Variants in SH3RF1 observed in about 807,000 individuals in gnomAD.
SH3RF1 encodes the protein SH3 domain containing ring finger 1.
A neutral mutation model predicts 74.0 loss-of-function variants in SH3RF1; 32 were observed. The ratio of observed to expected loss-of-function variants is 0.43; its 90% confidence interval spans 0.33 to 0.58. The LOEUF (loss-of-function observed/expected upper bound fraction) is 0.58. Among genes scored for constraint, SH3RF1 ranks in the 20% least tolerant of loss-of-function variants. SH3RF1 has a pLI of 0.05. For synonymous variants in SH3RF1, 396 were observed against 439.6 expected (o/e 0.90, Z 1.24); for missense variants, 954 against 1,130.9 (o/e 0.84, Z 2.24).
intron 4 of SH3RF1, among the ~76,000 whole-genome samples, chr4:169,150,741 C>T (rs1258039672): frequency 6.6e-6 from 1 of 152,092 alleles, no homozygotes; most frequent in Non-Finnish European, 1.5e-5. Context: ...ACTTGAGCAT[C>T]CGCAGATTTG....
chr4:169,115,705 C>A (rs1018695400), intron 10 of SH3RF1, among the ~76,000 whole-genome samples: 4 of 152,204 alleles, frequency 2.6e-5, no homozygotes, highest in African/African-American at 9.6e-5. Flanking sequence ...CCCGCCACCA[C>A]CCCTGGGTCC....
intron 2 of SH3RF1, among the ~76,000 whole-genome samples, chr4:169,185,020 G>A (rs1734580582): frequency 6.6e-6 from 1 of 152,164 alleles, no homozygotes; most frequent in African/African-American, 2.4e-5. Context: ...GTGTGATCAG[G>A]GGTTATCTGC....
chr4:169,145,459 G>A lies in SH3RF1; in HGVS notation c.766-8839C>T, dbSNP rs1176758022. Among the ~76,000 whole-genome samples the A allele has an allele frequency of 3.6e-5, 5 of 140,218 alleles. No homozygotes were observed. In the South Asian group the frequency reaches 7.0e-4, roughly 20 times the overall value. 92.0% of individuals were successfully genotyped at this position (140,218 alleles called of 152,430 possible). Reference sequence around the variant, plus strand: ...GGTTGAAAATTTACCTATTGGGTACGATGTTCACCATGTGAGTGATAGGTA... The same window carrying A: ...GGTTGAAAATTTACCTATTGGGTACAATGTTCACCATGTGAGTGATAGGTA... On this transcript the variant is annotated intron_variant, in intron 4 of 11. Transcript: ENST00000284637.
At position 169,095,148 on chromosome 4, in the gene SH3RF1, T is replaced by G. The variant is rs1388982335; in HGVS notation, c.*1371A>C. 1.3e-5 allele frequency: 2 copies of G among 152,602 alleles called. No homozygotes were observed. Among genetic ancestry groups the G allele is most frequent in the Non-Finnish European group, 2.9e-5 (2 of 68,034 alleles). 9.5% of individuals were successfully genotyped at this position (152,602 alleles called of 1,614,324 possible). ...AATTGTAAGGTGTGGGCAAATTCAC[T>G]CCCACCAAGCCTTCCAGAGCTCCAC... On this transcript the variant is annotated 3_prime_UTR_variant, in exon 12 of 12. Transcript: ENST00000284637.
At chr4:169,165,498 C>A (rs1419523738) in intron 2 of SH3RF1, among the ~76,000 whole-genome samples, 1 of 152,034 alleles carries the variant, frequency 6.6e-6, no homozygotes. Context: ...TCTGGGTGAT[C>A]TGGTGAAACC....
chr4:169,234,197 T>A (rs573271426), intron 2 of SH3RF1, among the ~76,000 whole-genome samples: 88 of 152,138 alleles, frequency 5.8e-4, no homozygotes, highest in African/African-American at 1.9e-3. Context: ...AATTTTTTTT[T>A]AAATTGTCCC....
At chr4:169,157,915 A>G (rs984801031) in intron 2 of SH3RF1, among the ~76,000 whole-genome samples, 3 of 106,944 alleles carry the variant, frequency 2.8e-5, no homozygotes, top group Admixed American at 2.6e-4. Context: ...TCATTTTTGT[A>G]TTTTTACAAA....
intron 2 of SH3RF1, among the ~76,000 whole-genome samples, chr4:169,192,071 T>C (rs540041402): frequency 6.6e-6 from 1 of 152,268 alleles, no homozygotes; most frequent in East Asian, 1.9e-4. Flanking sequence ...AAAGAGCTTT[T>C]GCACAGCAAA....
chr4:169,135,991 G>A (rs1733692943), intron 5 of SH3RF1, among the ~76,000 whole-genome samples: 1 of 152,176 alleles, frequency 6.6e-6, no homozygotes, highest in Admixed American at 6.5e-5. Context: ...TAGTTGGCAA[G>A]ATCTCCCAAA....
At position 169,097,098 on chromosome 4, in the gene SH3RF1, G is replaced by C. The variant is rs539804438; in HGVS notation, c.2499-411C>G. Among the ~76,000 whole-genome samples the C allele has an allele frequency of 1.1e-4, 17 of 152,300 alleles. 1 individual carries two copies. In the South Asian group the frequency reaches 2.1e-3, roughly 19 times the overall value. On this transcript the variant is annotated intron_variant, in intron 11 of 11. Coordinates refer to ENST00000284637, the MANE Select transcript of SH3RF1 (RefSeq NM_020870.4). The stretch of plus-strand genomic sequence containing the variant: ...GACTGGGAGAAGTAGCTGAGCAGGG[G>C]GGGTTCAGTCCTCTCTGAACCGCCT...
chr4:169,186,378 G>A (rs973517461), intron 2 of SH3RF1, among the ~76,000 whole-genome samples: 2 of 151,848 alleles, frequency 1.3e-5, no homozygotes, highest in African/African-American at 4.8e-5. Flanking sequence ...TATTTGGGCA[G>A]TATAGGTATC....
chr4:169,198,806 A>G (rs1328251769), intron 2 of SH3RF1, among the ~76,000 whole-genome samples: 1 of 152,224 alleles, frequency 6.6e-6, no homozygotes, highest in East Asian at 1.9e-4. Context: ...GGCTGAAAAC[A>G]GACTTCAACG....
At chr4:169,133,331 C>T (rs143682961) in intron 5 of SH3RF1, among the ~76,000 whole-genome samples, 283 of 152,248 alleles carry the variant, frequency 1.9e-3, no homozygotes, top group Middle Eastern at 0.01. Flanking sequence ...AAAAATTAGA[C>T]GGGTGTGGTG....
At chr4:169,139,510 C>T (rs778147988) in intron 4 of SH3RF1, among the ~76,000 whole-genome samples, 1 of 152,164 alleles carries the variant, frequency 6.6e-6, no homozygotes, top group Non-Finnish European at 1.5e-5. Flanking sequence ...CATTCTACTG[C>T]TGATTAACAT....
At chr4:169,101,802 C>G (rs1406552735) in intron 11 of SH3RF1, among the ~76,000 whole-genome samples, 4 of 151,816 alleles carry the variant, frequency 2.6e-5, no homozygotes, top group African/African-American at 9.7e-5. Flanking sequence ...GCTCACAGAC[C>G]GGTCCCTGAA....
At chr4:169,198,030 G>C (rs1734846667) in intron 2 of SH3RF1, among the ~76,000 whole-genome samples, 1 of 152,128 alleles carries the variant, frequency 6.6e-6, no homozygotes, top group African/African-American at 2.4e-5. Context: ...GAAATGTAAA[G>C]GCTTCATAAT....
rs1216949659 is a variant in SH3RF1 at position 169,239,332 on chromosome 4, G to GA, written c.393+29487dup. Among the ~76,000 whole-genome samples the GA allele has an allele frequency of 2.9e-3, 430 of 148,102 alleles. 1 individual carries two copies. The highest frequency in any genetic ancestry group is 9.6e-3 in the African/African-American group (387 of 40,414). On this transcript the variant is annotated intron_variant, in intron 2 of 11. Transcript: ENST00000284637. ...GGCCAAGTGTTCAAGTGACACGCAG[G>GA]AAAAAAAAAAGCTGATATTCAGAAA...
intron 2 of SH3RF1, among the ~76,000 whole-genome samples, chr4:169,196,640 A>G (rs1289266936): frequency 6.6e-6 from 1 of 152,136 alleles, no homozygotes; most frequent in African/African-American, 2.4e-5. Context: ...TTTCTTCCCA[A>G]TTTTGGACCC....
At chr4:169,178,398 G>A (rs531567876) in intron 2 of SH3RF1, among the ~76,000 whole-genome samples, 1 of 101,394 alleles carries the variant, frequency 9.9e-6, no homozygotes, top group Non-Finnish European at 2.1e-5. Flanking sequence ...AGAATCACAG[G>A]GATTTGGGGC....
Sources: allele counts gnomAD v4.1 joint callset (sites outside exome capture counted in the v4.1 genomes callset), GRCh38; gene constraint gnomAD v4.1.1; transcripts MANE v1.5; gene names NCBI Gene and HGNC (gene_info 2026-07-23, HGNC 2026-07-21).